The following PLXNB1 variants were observed in gnomAD, a reference collection of about 807,000 sequenced individuals.
PLXNB1 encodes plexin-B1.
Under a neutral mutation model 209.4 loss-of-function variants are expected in PLXNB1, and 106 were observed. The observed-to-expected ratio is 0.51, with a 90% CI of 0.43 to 0.59. The LOEUF (loss-of-function observed/expected upper bound fraction) is 0.59, where lower values mean the gene tolerates loss of function less well. Ranked by LOEUF, PLXNB1 falls within the 20% of genes least tolerant of loss-of-function variation. PLXNB1 has a pLI of 0.00. For missense variants in PLXNB1, 2,357 were observed against 2,853.2 expected, an observed-to-expected ratio of 0.83 and a Z score of 3.96; for synonymous variants, 1,167 against 1,183.2, an observed-to-expected ratio of 0.99 and a Z score of 0.28.
rs1012240748 is a variant in PLXNB1, at chr3:48,421,984, G to C, written c.1520+121C>G. The C allele has an allele frequency of 3.9e-6, 5 of 1,267,550 alleles. No individual in the cohort carries two copies. In the Admixed American group the frequency reaches 9.5e-5, roughly 24 times the overall value. The allele number at this position is 1,267,550 out of a possible 1,614,324, so 78.5% of individuals were successfully genotyped here. On this transcript the variant is annotated intron_variant, in intron 6 of 37. Coordinates refer to ENST00000296440, the MANE Select transcript of PLXNB1 (RefSeq NM_001130082.3). ...GTGCAGAGGATGGGGGTGAGGAATT[G>C]GGGTGTCTGGGGATCAGGGGTTGAG...
At position 48,405,193 on chromosome 3, in the gene PLXNB1, A is replaced by T. The variant is rs919939233; in HGVS notation, c.6303+531T>A. Among the ~76,000 whole-genome samples the T allele has an allele frequency of 1.3e-5, 2 of 152,192 alleles. No homozygotes were observed. The highest frequency in any genetic ancestry group is 4.8e-5 in the African/African-American group (2 of 41,442). Reference sequence around the variant, plus strand: ...TCCTCATCTCTGAGCAGCAATAGCCATGTCACTGGTGCCACACAAACATCT... The same window carrying T: ...TCCTCATCTCTGAGCAGCAATAGCCTTGTCACTGGTGCCACACAAACATCT... On this transcript the variant is annotated intron_variant, in intron 37 of 37. Transcript: ENST00000296440. The surrounding 1 kb of genome is among the most constrained non-coding windows in gnomAD (Gnocchi z 5.0).
intron 7 of PLXNB1, 70 bp downstream of exon 7, chr3:48,421,604 C>T: frequency 6.9e-7 from 1 of 1,446,522 alleles, no homozygotes; most frequent in Non-Finnish European, 9.4e-7. Flanking sequence ...ACATCAGGAT[C>T]CAAGATCTCT....
At position 48,413,540 on chromosome 3, in the gene PLXNB1, G is replaced by T; in HGVS notation, c.4535+130C>A. 1.9e-6 allele frequency: 2 copies of T among 1,050,284 alleles called. No homozygotes were observed. The highest frequency in any genetic ancestry group is 2.7e-6 in the Non-Finnish European group (2 of 744,668). The allele number at this position is 1,050,284 out of a possible 1,614,324, so 65.1% of individuals were successfully genotyped here. A position where few individuals can be genotyped will look rare whatever the true frequency, so the allele number is the denominator to read the frequency against. On this transcript the variant is annotated intron_variant, in intron 23 of 37. Coordinates refer to ENST00000296440, the MANE Select transcript of PLXNB1 (RefSeq NM_001130082.3). The surrounding 1 kb of genome is among the most constrained non-coding windows in gnomAD (Gnocchi z 5.4). ...TTGTTGAACAGAGACCACTTGGCCT[G>T]CAAAGCGAAAATATTTACTCTCTGG... is the stretch of plus-strand genomic sequence containing the variant.
Position 48,405,140 on chromosome 3 carries a change from G to A in PLXNB1, c.6304-550C>T, listed in dbSNP as rs765718221. On this transcript the variant is annotated intron_variant, in intron 37 of 37. Transcript: ENST00000296440. The surrounding 1 kb of genome is among the most constrained non-coding windows in gnomAD (Gnocchi z 5.0). ...CCCGTGCCATGGCCCACACCATGCCGAGGAAGGCTGTGGGCCATGAGACAG... is the reference window on the plus strand; with the variant it reads ...CCCGTGCCATGGCCCACACCATGCCAAGGAAGGCTGTGGGCCATGAGACAG... Among the ~76,000 whole-genome samples the A allele has an allele frequency of 4.6e-5, 7 of 152,310 alleles. No homozygotes were observed. Among genetic ancestry groups the A allele is most frequent in the African/African-American group, 7.2e-5 (3 of 41,560 alleles).
At chr3:48,428,826 C>T (rs1217951208) in intron 1 of PLXNB1, among the ~76,000 whole-genome samples, 2 of 151,792 alleles carry the variant, frequency 1.3e-5, no homozygotes, top group African/African-American at 2.4e-5. Flanking sequence ...CCCACCCGCC[C>T]GGGGGTCAGG....
intron 3 of PLXNB1, 106 bp downstream of exon 3, chr3:48,423,399 C>T (rs541387426): frequency 1.7e-5 from 21 of 1,239,538 alleles, no homozygotes; most frequent in Non-Finnish European, 2.3e-5. Flanking sequence ...TGATCATCCT[C>T]GTGCTACCAC....
rs2037311029 is a variant in PLXNB1, at chr3:48,406,275, A to G, written c.6229-477T>C. Reference sequence around the variant, plus strand: ...GAGCCTCAACTTCCTCACCTGGACGATGGAATTGGTGTCACCTAGCTTGTG... The same window carrying G: ...GAGCCTCAACTTCCTCACCTGGACGGTGGAATTGGTGTCACCTAGCTTGTG... On this transcript the variant is annotated intron_variant, in intron 36 of 37. Transcript: ENST00000296440. This position sits in a 1 kb window ranked among gnomAD's most constrained non-coding sequence, Gnocchi z 4.4. Among the ~76,000 whole-genome samples, 2 of 152,206 alleles carry G rather than the reference A, an allele frequency of 1.3e-5. No homozygotes were observed. The highest frequency in any genetic ancestry group is 2.1e-4 in the South Asian group (1 of 4,832).
chr3:48,414,760 G>T, intron 21 of PLXNB1, 39 bp downstream of exon 21: 1 of 1,599,442 alleles, frequency 6.3e-7, no homozygotes, highest in Non-Finnish European at 8.5e-7. Context: ...GCCAAGGGAA[G>T]GGTCTCGGGG....
In PLXNB1 at chr3:48,406,025, A is replaced by G; in HGVS notation, c.6229-227T>C. 4.2e-6 allele frequency: 2 copies of G among 476,562 alleles called. No homozygotes were observed. Among genetic ancestry groups the G allele is most frequent in the Non-Finnish European group, 7.7e-6 (2 of 258,238 alleles). The allele number at this position is 476,562 out of a possible 1,614,324, so 29.5% of individuals were successfully genotyped here. On this transcript the variant is annotated intron_variant, in intron 36 of 37. Transcript: ENST00000296440. This position sits in a 1 kb window ranked among gnomAD's most constrained non-coding sequence, Gnocchi z 4.4. ...AGAGCAAGGGGGCCTCCTTGGTAGG[A>G]AGACAGCCCAGGTCTACCTGCTTCA...
Position 48,418,043 on chromosome 3 carries a change from G to A in PLXNB1, c.3242C>T (p.Pro1081Leu), listed in dbSNP as rs751060975. The A allele has an allele frequency of 6.2e-7, 1 of 1,613,256 alleles. No individual in the cohort carries two copies. Among genetic ancestry groups the A allele is most frequent in the Non-Finnish European group, 8.5e-7 (1 of 1,179,848 alleles). The change falls in exon 16 of 38, where the codon CCT becomes CTT. Residue 1081 changes from proline (P) to leucine (L), a missense_variant. This residue lies in a region of PLXNB1 where 743 missense variants were observed against 896.2 expected (regional missense o/e 0.83). Transcript: ENST00000296440. The surrounding 1 kb of genome is among the most constrained non-coding windows in gnomAD (Gnocchi z 6.6). ...GGTGACACGGGTGCCTCCGTCTACAGGCCCAGTCAGTGGCTCCACCTGTTC... is the reference window on the plus strand; with the variant it reads ...GGTGACACGGGTGCCTCCGTCTACAAGCCCAGTCAGTGGCTCCACCTGTTC... ...LIHSVEPLTGPVDGGTRVTIR... is the reference protein window; with the variant it reads ...LIHSVEPLTGLVDGGTRVTIR...
Position 48,410,314 on chromosome 3 carries a change from C to T in PLXNB1, c.5587G>A (p.Asp1863Asn), listed in dbSNP as rs1368389198. The change falls in exon 31 of 38, where the codon GAT (aspartate) becomes AAT (asparagine). Residue 1863 changes from aspartate to asparagine, a missense_variant. Asp to Asn is a conservative substitution (Grantham distance 23). Coordinates refer to ENST00000296440, the MANE Select transcript of PLXNB1 (RefSeq NM_001130082.3). The surrounding 1 kb of genome is among the most constrained non-coding windows in gnomAD (Gnocchi z 6.4). ...LTKHVLRENQDYVPGERTPML... is the reference protein window; with the variant it reads ...LTKHVLRENQNYVPGERTPML... ...TACTCACGCTCTCCAGGGACATAAT[C>T]CTGGTTTTCCCGGAGCACATGCTTG... is the stretch of plus-strand genomic sequence containing the variant. 1 of 1,611,954 alleles carries T rather than the reference C, an allele frequency of 6.2e-7. No individual in the cohort carries two copies. Among genetic ancestry groups the T allele is most frequent in the East Asian group, 2.2e-5 (1 of 44,870 alleles).
At chr3:48,407,952 T>A (rs908225482) in intron 34 of PLXNB1, among the ~76,000 whole-genome samples, 5 of 152,196 alleles carry the variant, frequency 3.3e-5, no homozygotes, top group Non-Finnish European at 7.3e-5. Flanking sequence ...GATGACAGCA[T>A]GTGGAACAAA....
chr3:48,412,086 G>C, intron 27 of PLXNB1, 77 bp from the exon 28 acceptor site: 1 of 1,546,562 alleles, frequency 6.5e-7, no homozygotes, highest in Non-Finnish European at 8.9e-7. Flanking sequence ...TGGGGAAGGG[G>C]ACAGGACATG....
intron 1 of PLXNB1, among the ~76,000 whole-genome samples, chr3:48,425,735 G>C (rs182892406): frequency 6.6e-6 from 1 of 151,998 alleles, no homozygotes; most frequent in African/African-American, 2.4e-5. Context: ...AGGGCCACCA[G>C]CGCTTCAGCA....
rs1462040407 is a variant in PLXNB1 at position 48,420,975 on chromosome 3, G to T, written c.1811-19C>A. Reference sequence around the variant, plus strand: ...ACGTAGTCTGCAGAGGGGGAGAGAGGGCCAGGGTTAAGCAGCAAGGAGGTG... The same window carrying T: ...ACGTAGTCTGCAGAGGGGGAGAGAGTGCCAGGGTTAAGCAGCAAGGAGGTG... On this transcript the variant is annotated intron_variant, in intron 8 of 37. Transcript: ENST00000296440. 4 of 1,594,544 alleles carry T rather than the reference G, an allele frequency of 2.5e-6. No homozygotes were observed. In the South Asian group the frequency reaches 4.4e-5, roughly 18 times the overall value.
Position 48,419,352 on chromosome 3 carries a change from C to T in PLXNB1, c.2724G>A (p.Leu908=). 6.4e-7 allele frequency: 1 copy of T among 1,568,344 alleles called. No individual in the cohort carries two copies. The highest frequency in any genetic ancestry group is 1.2e-5 in the South Asian group (1 of 86,188). The stretch of plus-strand genomic sequence containing the variant: ...CCACACAGGGGCAGGAGCTTGCCCC[C>T]AAGGTCGCCTCTTCCTGCAGGCACC... ...PGLWELEEAT[L]GASSCPCVES... Residue 908 remains leucine, a synonymous_variant, in exon 12 of 38, where the codon TTG becomes TTA. Transcript: ENST00000296440. This position sits in a 1 kb window ranked among gnomAD's most constrained non-coding sequence, Gnocchi z 5.7.
At chr3:48,422,271 C>T in intron 5 of PLXNB1, 60 bp downstream of exon 5, 1 of 1,610,558 alleles carries the variant, frequency 6.2e-7, no homozygotes, top group South Asian at 1.1e-5. Context: ...CAAGTGGGTC[C>T]CTGGCCCCAC....
chr3:48,426,349 G>A (rs1297469233), intron 1 of PLXNB1, among the ~76,000 whole-genome samples: 1 of 152,218 alleles, frequency 6.6e-6, no homozygotes, highest in Non-Finnish European at 1.5e-5. Flanking sequence ...CTCTAGCCAG[G>A]AGCACCAAGG....
rs1297392413 is a variant in PLXNB1, at chr3:48,411,638, C to T, written c.5247+225G>A. ...CTGGTTGTGGCTACCCTAGTTCCATCCCTAGCCTGGGGCACATAGAGGCCT... is the reference window on the plus strand; with the variant it reads ...CTGGTTGTGGCTACCCTAGTTCCATTCCTAGCCTGGGGCACATAGAGGCCT... On this transcript the variant is annotated intron_variant, in intron 28 of 37. Transcript: ENST00000296440. This position sits in a 1 kb window ranked among gnomAD's most constrained non-coding sequence, Gnocchi z 4.0. Among the ~76,000 whole-genome samples, 1 of 152,172 alleles carries T rather than the reference C, an allele frequency of 6.6e-6. No individual in the cohort carries two copies. The highest frequency in any genetic ancestry group is 1.5e-5 in the Non-Finnish European group (1 of 68,030).
Sources: gnomAD v4.1 joint callset for allele counts (sites outside exome capture counted in the v4.1 genomes callset) on GRCh38, gnomAD v4.1.1 for gene constraint, gnomAD v4.1.1 regional missense constraint, Gnocchi (gnomAD v3.1) non-coding constraint, MANE v1.5 for transcripts, NCBI Gene and HGNC (gene_info 2026-07-23, HGNC 2026-07-21) for gene names.